The following SHISA9 variants were observed in gnomAD, a reference collection of about 807,000 sequenced individuals.
SHISA9 encodes the protein protein shisa-9.
A neutral mutation model predicts 38.0 loss-of-function variants in SHISA9; 13 were observed. The observed-to-expected ratio is 0.34, with a 90% confidence interval of 0.22 to 0.54. SHISA9 has a LOEUF of 0.54. Among genes scored for constraint, SHISA9 ranks in the 20% least tolerant of loss-of-function variants. The probability of loss-of-function intolerance (pLI) is 0.91; values close to 1 mark genes in which losing one functional copy is unlikely to be tolerated. For synonymous variants in SHISA9, 275 were observed against 242.0 expected (o/e 1.14, Z -1.27); for missense variants, 538 against 575.8 (o/e 0.93, Z 0.67).
chr16:13,498,900 A>G, the SHISA9 span, among the ~76,000 whole-genome samples: 10 of 152,236 alleles, frequency 6.6e-5, no homozygotes, highest in African/African-American at 2.4e-4. Flanking sequence ...TTGTGAATTT[A>G]GCAGACACTG....
At chr16:13,277,050 A>G in the SHISA9 span, among the ~76,000 whole-genome samples, 1 of 152,032 alleles carries the variant, frequency 6.6e-6, no homozygotes, top group African/African-American at 2.4e-5. Context: ...AGTTTCAGGT[A>G]TTAGGTTTAA....
At chr16:13,131,103 C>T (rs1390186351) in intron 2 of SHISA9, among the ~76,000 whole-genome samples, 2 of 31,740 alleles carry the variant, frequency 6.3e-5, no homozygotes, top group African/African-American at 7.2e-4. Flanking sequence ...CCAGCAATCC[C>T]ATTACTGGGT....
intron 2 of SHISA9, among the ~76,000 whole-genome samples, chr16:13,159,058 CAA>C (rs10711130): frequency 0.093 from 11,507 of 123,518 alleles, 435 homozygotes; most frequent in Middle Eastern, 0.16. Context: ...GACTCTGTCT[CAA>C]AAAAAAAAAA....
At chr16:12,970,477 A>G (rs1567168055) in intron 2 of SHISA9, among the ~76,000 whole-genome samples, 64 of 18,666 alleles carry the variant, frequency 3.4e-3, no homozygotes, top group South Asian at 8.0e-3. Context: ...GTGTATATAT[A>G]TATATATATA....
At chr16:13,116,671 T>G (rs930979807) in intron 2 of SHISA9, among the ~76,000 whole-genome samples, 1 of 152,174 alleles carries the variant, frequency 6.6e-6, no homozygotes, top group African/African-American at 2.4e-5. Flanking sequence ...TGTGAATGGA[T>G]CCAGGTAGTC....
At chr16:13,241,571 C>A (rs146085342), downstream of SHISA9, among the ~76,000 whole-genome samples, 2 of 152,300 alleles carry the variant, frequency 1.3e-5, no homozygotes, top group Non-Finnish European at 2.9e-5. Flanking sequence ...ATAAGCCAGT[C>A]ACTGTACACC....
the SHISA9 span, among the ~76,000 whole-genome samples, chr16:13,344,431 C>G: frequency 1.1e-4 from 16 of 152,268 alleles, no homozygotes; most frequent in African/African-American, 3.9e-4. Context: ...CCTTTTTTAG[C>G]TCTTCTTCCT....
the SHISA9 span, among the ~76,000 whole-genome samples, chr16:13,298,399 C>T: frequency 4.9e-4 from 75 of 152,184 alleles, no homozygotes; most frequent in South Asian, 8.5e-3. Context: ...ATAATAAACA[C>T]GATGATGACT....
At chr16:13,198,843 A>C (rs931042841) in intron 2 of SHISA9, among the ~76,000 whole-genome samples, 1 of 152,216 alleles carries the variant, frequency 6.6e-6, no homozygotes, top group African/African-American at 2.4e-5. Flanking sequence ...TCTTAATGTG[A>C]AACTGGAAAT....
At chr16:12,992,567 A>G (rs2141833821) in intron 2 of SHISA9, among the ~76,000 whole-genome samples, 1 of 151,864 alleles carries the variant, frequency 6.6e-6, no homozygotes, top group Admixed American at 6.6e-5. Flanking sequence ...AAAACCCAAA[A>G]CAAAAATACC....
chr16:13,038,762 T>C (rs757490674), intron 2 of SHISA9, among the ~76,000 whole-genome samples: 5 of 152,212 alleles, frequency 3.3e-5, no homozygotes, highest in Non-Finnish European at 5.9e-5. Context: ...TCACTAGACC[T>C]TAAGCTCCAC....
Position 13,237,890 on chromosome 16 carries a change from C to G in SHISA9, c.*2481C>G, listed in dbSNP as rs900131459. ...GTACCTGCAACACACTTTGGCATCT[C>G]TGTATATCACCTTCACAATATTTGT... On this transcript the variant is annotated 3_prime_UTR_variant, in exon 5 of 5. Transcript: ENST00000558583. 4 of 152,072 alleles carry G rather than the reference C, an allele frequency of 2.6e-5. No homozygotes were observed. Among genetic ancestry groups the G allele is most frequent in the Admixed American group, 2.6e-4 (4 of 15,262 alleles). The allele number at this position is 152,072 out of a possible 1,614,324, so 9.4% of individuals were successfully genotyped here. A position where few individuals can be genotyped will look rare whatever the true frequency, so the allele number is the denominator to read the frequency against.
At chr16:13,524,369 A>G in the SHISA9 span, among the ~76,000 whole-genome samples, 1 of 152,238 alleles carries the variant, frequency 6.6e-6, no homozygotes, top group Non-Finnish European at 1.5e-5. Flanking sequence ...CCCACTGGCC[A>G]TATATGTCTG....
At chr16:13,357,670 A>G in the SHISA9 span, among the ~76,000 whole-genome samples, 1 of 152,162 alleles carries the variant, frequency 6.6e-6, no homozygotes, top group African/African-American at 2.4e-5. Flanking sequence ...GAGTCCAAAA[A>G]GAGAGTCAGC....
At chr16:13,414,825 G>C in the SHISA9 span, among the ~76,000 whole-genome samples, 42 of 151,944 alleles carry the variant, frequency 2.8e-4, no homozygotes, top group African/African-American at 9.4e-4. Flanking sequence ...TAGAGACAGG[G>C]TTTCACCATG....
chr16:13,418,582 A>G, the SHISA9 span, among the ~76,000 whole-genome samples: 9 of 152,114 alleles, frequency 5.9e-5, no homozygotes, highest in Admixed American at 3.3e-4. Context: ...GTCTTATGTT[A>G]CTCAACCCAG....
chr16:12,910,580 A>C (rs1206248517), intron 1 of SHISA9: 2 of 985,280 alleles, frequency 2.0e-6, no homozygotes, highest in African/African-American at 3.5e-5. Context: ...TGAAATTTTC[A>C]ATATTCAGTC....
chr16:13,539,813 A>C, the SHISA9 span, among the ~76,000 whole-genome samples: 1 of 152,012 alleles, frequency 6.6e-6, no homozygotes, highest in Admixed American at 6.6e-5. Context: ...ATGTGTACTC[A>C]GTGTTTAGGC....
the SHISA9 span, among the ~76,000 whole-genome samples, chr16:13,400,935 T>C: frequency 6.6e-5 from 10 of 152,166 alleles, no homozygotes; most frequent in African/African-American, 2.4e-4. Context: ...GCATTATGAA[T>C]GAAATTGCTC....
Sources: gnomAD v4.1 joint callset for allele counts (sites outside exome capture counted in the v4.1 genomes callset) on GRCh38, gnomAD v4.1.1 for gene constraint, MANE v1.5 for transcripts, NCBI Gene and HGNC (gene_info 2026-07-23, HGNC 2026-07-21) for gene names.